VAV3: variants seen among roughly 807,000 people sequenced by gnomAD.
VAV3 encodes guanine nucleotide exchange factor VAV3.
VAV3 carries 94 observed loss-of-function variants against 131.2 expected under a neutral mutation model. The ratio of observed to expected loss-of-function variants is 0.72; its 90% confidence interval spans 0.61 to 0.85. The LOEUF (loss-of-function observed/expected upper bound fraction) is 0.85, where lower values mean the gene tolerates loss of function less well. VAV3 is among the 40% of genes least tolerant of loss of function. The pLI is 0.00. For synonymous variants in VAV3, 349 were observed against 342.0 expected, an observed-to-expected ratio of 1.02 and a Z score of -0.22; for missense variants, 939 against 1,002.7, an observed-to-expected ratio of 0.94 and a Z score of 0.86.
chr1:107,851,668 G>GA (rs1669239357), intron 2 of VAV3, among the ~76,000 whole-genome samples: 1 of 152,072 alleles, frequency 6.6e-6, no homozygotes, highest in Admixed American at 6.6e-5. Flanking sequence ...AACAGGCTCT[G>GA]AAAAATAATT....
intron 2 of VAV3, among the ~76,000 whole-genome samples, chr1:107,812,903 C>T (rs1375772540): frequency 6.6e-6 from 1 of 152,098 alleles, no homozygotes; most frequent in Non-Finnish European, 1.5e-5. Flanking sequence ...GCAGGCGGAT[C>T]ACGAGATCAG....
chr1:107,902,338 T>G (rs988971538), intron 1 of VAV3, among the ~76,000 whole-genome samples: 6 of 152,318 alleles, frequency 3.9e-5, no homozygotes, highest in African/African-American at 1.4e-4. Context: ...GAGATGTAAT[T>G]GTTTCAATTT....
intron 12 of VAV3, among the ~76,000 whole-genome samples, chr1:107,752,450 A>C (rs1663795546): frequency 6.6e-6 from 1 of 152,234 alleles, no homozygotes; most frequent in Non-Finnish European, 1.5e-5. Context: ...TTCGAGATTG[A>C]TAAATGGGAC....
At chr1:107,678,683 G>A (rs1658388444) in intron 19 of VAV3, among the ~76,000 whole-genome samples, 1 of 151,814 alleles carries the variant, frequency 6.6e-6, no homozygotes, top group Non-Finnish European at 1.5e-5. Flanking sequence ...AAGAACAATA[G>A]TATTAAATTG....
rs149836746 is a variant in VAV3, at chr1:107,688,761, C to T, written c.1706-355G>A. Among the ~76,000 whole-genome samples, 5 of 152,332 alleles carry T rather than the reference C, an allele frequency of 3.3e-5. No individual in the cohort carries two copies. The East Asian group carries it at 9.6e-4, about 29-fold the overall frequency. On this transcript the variant is annotated intron_variant, in intron 17 of 26. Transcript: ENST00000370056. ...AAGCTAAATGCAACCTTTCTTTCAA[C>T]ATGCCTCGTTTTAAGAATCTAAAAA...
chr1:107,620,413 A>G (rs1653480432), intron 20 of VAV3, among the ~76,000 whole-genome samples: 1 of 152,138 alleles, frequency 6.6e-6, no homozygotes, highest in African/African-American at 2.4e-5. Context: ...TGTTATAACT[A>G]CCTACAATAT....
chr1:107,940,475 G>A (rs1673932659), intron 1 of VAV3, among the ~76,000 whole-genome samples: 2 of 152,206 alleles, frequency 1.3e-5, no homozygotes, highest in African/African-American at 2.4e-5. Flanking sequence ...TTGAAAGATA[G>A]AGAAGGTTCT....
At chr1:107,684,347 C>A (rs1197401489) in intron 18 of VAV3, among the ~76,000 whole-genome samples, 1 of 152,180 alleles carries the variant, frequency 6.6e-6, no homozygotes. Context: ...ATCATACAAT[C>A]TAGATTTTCA....
At chr1:107,835,520 G>A (rs1668437144) in intron 2 of VAV3, among the ~76,000 whole-genome samples, 1 of 152,164 alleles carries the variant, frequency 6.6e-6, no homozygotes, top group Admixed American at 6.5e-5. Flanking sequence ...GGCTGGTCTG[G>A]GAACAGTGTG....
At chr1:107,688,437 G>C (rs372919907) in intron 17 of VAV3, 31 bp from the exon 18 acceptor site, 5 of 1,613,150 alleles carry the variant, frequency 3.1e-6, no homozygotes, top group Non-Finnish European at 4.2e-6. Flanking sequence ...GGCATTGTCA[G>C]TGTAAAGTTA....
chr1:107,752,334 G>C (rs1258032496), intron 12 of VAV3, among the ~76,000 whole-genome samples: 3 of 151,996 alleles, frequency 2.0e-5, no homozygotes, highest in Non-Finnish European at 4.4e-5. Flanking sequence ...CATAAATAAA[G>C]AATAACTAAA....
chr1:107,779,168 T>TAAA (rs34837829), intron 3 of VAV3, among the ~76,000 whole-genome samples: 5 of 140,504 alleles, frequency 3.6e-5, no homozygotes, highest in Non-Finnish European at 4.7e-5. Context: ...GGAGGAAAGT[T>TAAA]AAAAAAAAAA....
chr1:107,774,912 GC>G (rs957184806), intron 4 of VAV3, among the ~76,000 whole-genome samples: 24 of 66,350 alleles, frequency 3.6e-4, no homozygotes, highest in African/African-American at 1.1e-3. Context: ...TAATACATTT[GC>G]TTTTTTTTTT....
At chr1:107,645,277 G>T (rs1256916456) in intron 19 of VAV3, among the ~76,000 whole-genome samples, 1 of 151,062 alleles carries the variant, frequency 6.6e-6, no homozygotes, top group Non-Finnish European at 1.5e-5. Context: ...AACTCATATG[G>T]TTTTTTGTGG....
At chr1:107,948,864 C>CA (rs1674398898) in intron 1 of VAV3, among the ~76,000 whole-genome samples, 1 of 151,932 alleles carries the variant, frequency 6.6e-6, no homozygotes, top group Non-Finnish European at 1.5e-5. Flanking sequence ...AACAAACAAA[C>CA]AAAAACAATA....
At chr1:107,604,330 T>C (rs922239879) in intron 22 of VAV3, among the ~76,000 whole-genome samples, 3 of 152,178 alleles carry the variant, frequency 2.0e-5, no homozygotes, top group Non-Finnish European at 4.4e-5. Context: ...ATGGAGGACA[T>C]GTTAGGTTTC....
At chr1:107,832,453 C>A (rs1021189172) in intron 2 of VAV3, among the ~76,000 whole-genome samples, 2 of 152,162 alleles carry the variant, frequency 1.3e-5, no homozygotes, top group South Asian at 2.1e-4. Context: ...CAATGACCTG[C>A]GAGTCTCACA....
chr1:107,923,607 A>C (rs924546859), intron 1 of VAV3, among the ~76,000 whole-genome samples: 3 of 152,164 alleles, frequency 2.0e-5, no homozygotes, highest in African/African-American at 7.2e-5. Flanking sequence ...AGGTGAAGGG[A>C]AAGCAAAAAC....
At chr1:107,948,321 T>TA (rs35975364) in intron 1 of VAV3, among the ~76,000 whole-genome samples, 74,210 of 150,014 alleles carry the variant, frequency 0.49, 18,747 homozygotes, top group Middle Eastern at 0.64. Flanking sequence ...CCTGATATTG[T>TA]AAAAAAAAAA....
Sources: allele counts gnomAD v4.1 joint callset (sites outside exome capture counted in the v4.1 genomes callset), GRCh38; gene constraint gnomAD v4.1.1; transcripts MANE v1.5; gene names NCBI Gene and HGNC (gene_info 2026-07-23, HGNC 2026-07-21).